The following COL25A1 variants were observed in gnomAD, a reference collection of about 807,000 sequenced individuals.
COL25A1 encodes collagen alpha-1(XXV) chain.
Under a neutral mutation model 128.4 loss-of-function variants are expected in COL25A1, and 103 were observed. That is an observed-to-expected ratio of 0.80 (90% CI 0.68 to 0.94). COL25A1 has a LOEUF of 0.94. Ranked by LOEUF, COL25A1 falls within the 40% of genes least tolerant of loss-of-function variation. The probability of loss-of-function intolerance (pLI) is 0.00; values close to 1 mark genes in which losing one functional copy is unlikely to be tolerated. For synonymous variants in COL25A1, 279 were observed against 277.2 expected, an observed-to-expected ratio of 1.01 and a Z score of -0.06; for missense variants, 745 against 840.0, an observed-to-expected ratio of 0.89 and a Z score of 1.40.
chr4:109,137,984 A>ATGTGTGTGTGTGTGTGTGTG (rs10700157), intron 3 of COL25A1, among the ~76,000 whole-genome samples: 66 of 142,586 alleles, frequency 4.6e-4, no homozygotes, highest in African/African-American at 1.5e-3. Flanking sequence ...TTATATATAT[A>ATGTGTGTGTGTGTGTGTGTG]TGTGTGTGTG....
At chr4:109,236,747 A>G (rs1471945733) in intron 3 of COL25A1, among the ~76,000 whole-genome samples, 1 of 152,032 alleles carries the variant, frequency 6.6e-6, no homozygotes, top group Non-Finnish European at 1.5e-5. Context: ...AACATTTTTG[A>G]TGCAATCTTT....
intron 11 of COL25A1, among the ~76,000 whole-genome samples, chr4:108,936,735 C>T (rs1275446647): frequency 6.6e-6 from 1 of 150,782 alleles, no homozygotes; most frequent in Non-Finnish European, 1.5e-5. Flanking sequence ...ACAATCCAAG[C>T]CCAAAGAAGC....
At chr4:108,954,990 C>T (rs1292465954) in intron 8 of COL25A1, among the ~76,000 whole-genome samples, 1 of 150,678 alleles carries the variant, frequency 6.6e-6, no homozygotes, top group African/African-American at 2.4e-5. Flanking sequence ...CCCATAGCAA[C>T]AAAGTTTATG....
chr4:108,969,242 G>A (rs1032486624), intron 8 of COL25A1, among the ~76,000 whole-genome samples: 8 of 152,286 alleles, frequency 5.3e-5, no homozygotes, highest in Admixed American at 2.0e-4. Flanking sequence ...GCTTTTGGAT[G>A]ACTGTGTGAC....
At chr4:109,292,725 G>A (rs926737143) in intron 3 of COL25A1, among the ~76,000 whole-genome samples, 1 of 152,012 alleles carries the variant, frequency 6.6e-6, no homozygotes, top group African/African-American at 2.4e-5. Context: ...GTCAGGATCT[G>A]CCCACAAAAG....
At chr4:108,937,779 T>C (rs772507256) in intron 11 of COL25A1, 29 bp downstream of exon 11, 4 of 1,580,534 alleles carry the variant, frequency 2.5e-6, no homozygotes, top group South Asian at 2.3e-5. Flanking sequence ...CCAGGCTTAG[T>C]ATAGAAAAAG....
At position 109,301,880 on chromosome 4, in the gene COL25A1, A is replaced by G. The variant is rs757539895; in HGVS notation, c.140T>C (p.Val47Ala). Residue 47 changes from valine to alanine, a missense_variant, in exon 2 of 38, where the codon GTG becomes GCG. Around this residue, in one of 3 missense-constraint regions of COL25A1, gnomAD observed 319 missense variants for 324.9 expected, o/e 0.98. Coordinates refer to ENST00000399132, the MANE Select transcript of COL25A1 (RefSeq NM_198721.4). Reference protein sequence around the residue: ...LAALLSVVAVVSCLYLGVKTN... With the variant: ...LAALLSVVAVASCLYLGVKTN... ...TTTCACACCCAGGTACAGGCAAGAC[A>G]CCACGGCCACCACTGACAGGAGGGC... 1.2e-6 allele frequency: 2 copies of G among 1,614,180 alleles called. No homozygotes were observed. Among genetic ancestry groups the G allele is most frequent in the Non-Finnish European group, 1.7e-6 (2 of 1,180,038 alleles).
chr4:108,915,405 T>G (rs991302843), intron 13 of COL25A1, among the ~76,000 whole-genome samples: 4 of 152,216 alleles, frequency 2.6e-5, no homozygotes, highest in Non-Finnish European at 5.9e-5. Flanking sequence ...TTCACCATGT[T>G]GCCCAGGTTG....
In COL25A1 at chr4:109,218,356, G is replaced by GGTTTTTTTTTTGTTTGTTT. The variant is rs1553961819; in HGVS notation, c.367+82226_367+82227insAAACAAACAAAAAAAAAAC. Among the ~76,000 whole-genome samples, 192 of 100,370 alleles carry GGTTTTTTTTTTGTTTGTTT rather than the reference G, an allele frequency of 1.9e-3. 2 individuals carry two copies. The highest frequency in any genetic ancestry group is 7.4e-3 in the African/African-American group (181 of 24,352). The allele number at this position is 100,370 out of a possible 152,430, so 65.8% of individuals were successfully genotyped here. The stretch of plus-strand genomic sequence containing the variant: ...GCAGAATCAATTGCTGGTTTTTTGG[G>GGTTTTTTTTTTGTTTGTTT]GTTTTTTTTTTTTTTTTTTTTTTTT... On this transcript the variant is annotated intron_variant, in intron 3 of 37. Coordinates refer to ENST00000399132, the MANE Select transcript of COL25A1 (RefSeq NM_198721.4).
At chr4:109,232,543 T>TTGA (rs1779227889) in intron 3 of COL25A1, among the ~76,000 whole-genome samples, 1 of 152,176 alleles carries the variant, frequency 6.6e-6, no homozygotes, top group African/African-American at 2.4e-5. Flanking sequence ...CAAGAAAGAC[T>TTGA]TGATCAAGAA....
chr4:108,880,941 T>C (rs1740041824), intron 19 of COL25A1, among the ~76,000 whole-genome samples: 2 of 152,364 alleles, frequency 1.3e-5, no homozygotes, highest in South Asian at 2.1e-4. Flanking sequence ...ATTAAAAATA[T>C]GTGAAAGCTT....
At chr4:109,010,459 G>T in intron 5 of COL25A1, 84 bp from the exon 6 acceptor site, 1 of 918,660 alleles carries the variant, frequency 1.1e-6, no homozygotes, top group South Asian at 1.6e-5. Context: ...AACTAGTTCT[G>T]GAAATATTCA....
intron 15 of COL25A1, 143 bp downstream of exon 15, chr4:108,899,011 A>ATATTTATC: frequency 1.7e-6 from 1 of 585,918 alleles, no homozygotes; most frequent in Non-Finnish European, 3.0e-6. Context: ...ATATATCTAT[A>ATATTTATC]TACCTACCTA....
At chr4:109,266,256 T>C (rs1012863281) in intron 3 of COL25A1, among the ~76,000 whole-genome samples, 1 of 152,196 alleles carries the variant, frequency 6.6e-6, no homozygotes. Flanking sequence ...CAGTGCTTGG[T>C]AGTCAGAATA....
In COL25A1 at chr4:108,889,093, A is replaced by G. The variant is rs1415752018; in HGVS notation, c.975+128T>C. 7 of 877,250 alleles carry G rather than the reference A, an allele frequency of 8.0e-6. No homozygotes were observed. The East Asian group carries it at 1.7e-4, about 21-fold the overall frequency. 54.3% of individuals were successfully genotyped at this position (877,250 alleles called of 1,614,324 possible). A position where few individuals can be genotyped will look rare whatever the true frequency, so the allele number is the denominator to read the frequency against. Reference sequence around the variant, plus strand: ...CCTTTTAAAATGCAAAACAACAATAACACTCTGTAATGCAAAACATGAAAA... The same window carrying G: ...CCTTTTAAAATGCAAAACAACAATAGCACTCTGTAATGCAAAACATGAAAA... On this transcript the variant is annotated intron_variant, in intron 18 of 37. Coordinates refer to ENST00000399132, the MANE Select transcript of COL25A1 (RefSeq NM_198721.4).
At chr4:108,968,690 T>C (rs1751592519) in intron 8 of COL25A1, among the ~76,000 whole-genome samples, 1 of 152,198 alleles carries the variant, frequency 6.6e-6, no homozygotes, top group Non-Finnish European at 1.5e-5. Flanking sequence ...ATTCTCCCTC[T>C]GTGATAGTTC....
In COL25A1 at chr4:108,954,349, AT is replaced by A. The variant is rs1161022088; in HGVS notation, c.493-12913del. On this transcript the variant is annotated intron_variant, in intron 8 of 37. Transcript: ENST00000399132. ...GTTGTTATTTAACGAAATGCAGTAC[AT>A]TTTTTATATTAAATAGTGTATCACA... Among the ~76,000 whole-genome samples the A allele has an allele frequency of 1.3e-4, 20 of 152,214 alleles. 1 individual carries two copies. Among genetic ancestry groups the A allele is most frequent in the South Asian group, 4.1e-4 (2 of 4,828 alleles).
At chr4:108,969,637 T>C (rs1751701513) in intron 8 of COL25A1, among the ~76,000 whole-genome samples, 1 of 152,124 alleles carries the variant, frequency 6.6e-6, no homozygotes, top group Admixed American at 6.6e-5. Context: ...TCCACCTCTC[T>C]CCCTAACCCC....
intron 3 of COL25A1, among the ~76,000 whole-genome samples, chr4:109,258,162 C>T (rs189588088): frequency 4.7e-4 from 72 of 151,826 alleles, no homozygotes; most frequent in African/African-American, 1.7e-3. Context: ...GCTTGGTCTC[C>T]AGTTTGTGCC....
Sources: gnomAD v4.1 joint callset for allele counts (sites outside exome capture counted in the v4.1 genomes callset) on GRCh38, gnomAD v4.1.1 for gene constraint, gnomAD v4.1.1 regional missense constraint, MANE v1.5 for transcripts, NCBI Gene and HGNC (gene_info 2026-07-23, HGNC 2026-07-21) for gene names.